The following CEP128 variants were observed in gnomAD, a reference collection of about 807,000 sequenced individuals.
CEP128 encodes centrosomal protein 128kDa.
In CEP128, 132 loss-of-function variants were observed where a neutral mutation model predicts 156.7. The observed-to-expected ratio is 0.84, with a 90% CI of 0.73 to 0.97. CEP128 has a LOEUF of 0.97. Ranked by LOEUF, CEP128 falls within the 50% of genes least tolerant of loss-of-function variation. The probability of loss-of-function intolerance (pLI) is 0.00; values close to 1 mark genes in which losing one functional copy is unlikely to be tolerated. For synonymous variants in CEP128, 469 were observed against 448.9 expected (o/e 1.04, Z -0.57); for missense variants, 1,252 against 1,281.9 (o/e 0.98, Z 0.36).
At chr14:80,766,145 G>A (rs1900228380) in intron 16 of CEP128, among the ~76,000 whole-genome samples, 1 of 152,170 alleles carries the variant, frequency 6.6e-6, no homozygotes, top group Non-Finnish European at 1.5e-5. Flanking sequence ...AGAAGTACCT[G>A]TGTACACATA....
intron 19 of CEP128, among the ~76,000 whole-genome samples, chr14:80,695,519 T>C (rs1048015463): frequency 6.6e-6 from 1 of 151,886 alleles, no homozygotes; most frequent in African/African-American, 2.4e-5. Context: ...AGTTTGACCC[T>C]AGCCTGGCCA....
intron 19 of CEP128, among the ~76,000 whole-genome samples, chr14:80,718,081 C>T (rs1395578766): frequency 6.6e-6 from 1 of 152,034 alleles, no homozygotes; most frequent in Non-Finnish European, 1.5e-5. Flanking sequence ...TTCCATGTTG[C>T]CAAGGCTGGT....
chr14:80,891,168 A>C (rs1471118993), intron 8 of CEP128, among the ~76,000 whole-genome samples: 3 of 152,176 alleles, frequency 2.0e-5, no homozygotes, highest in Non-Finnish European at 2.9e-5. Flanking sequence ...AACTAAAAAC[A>C]GAGCTACCAC....
intron 9 of CEP128, among the ~76,000 whole-genome samples, chr14:80,850,190 G>T (rs577513273): frequency 4.6e-5 from 7 of 152,218 alleles, no homozygotes; most frequent in African/African-American, 1.7e-4. Context: ...TACACAATGT[G>T]TCATACTTTT....
Position 80,647,037 on chromosome 14 carries a change from GTATATATATA to G in CEP128, c.2807-66624_2807-66615del, listed in dbSNP as rs60895994. On this transcript the variant is annotated intron_variant, in intron 19 of 24. Transcript: ENST00000555265. ...TGTGTGTGTATATATATGTGTGCAT[GTATATATATA>G]TATATATATATATATATATATATAT... 6.4e-3 allele frequency among the ~76,000 whole-genome samples: 445 copies of G among 69,560 alleles called. 4 individuals carry two copies. The highest frequency in any genetic ancestry group is 7.0e-3 in the South Asian group (12 of 1,720). 45.6% of individuals were successfully genotyped at this position (69,560 alleles called of 152,430 possible).
Position 80,895,800 on chromosome 14 carries a change from A to AAAAC in CEP128, c.573-11_573-10insGTTT. The AAAAC allele has an allele frequency of 7.5e-7, 1 of 1,340,906 alleles. No homozygotes were observed. Among genetic ancestry groups the AAAAC allele is most frequent in the Non-Finnish European group, 9.9e-7 (1 of 1,013,268 alleles). The allele number at this position is 1,340,906 out of a possible 1,614,324, so 83.1% of individuals were successfully genotyped here. On this transcript the variant is annotated splice_polypyrimidine_tract_variant and intron_variant, in intron 7 of 24. Coordinates refer to ENST00000555265, the MANE Select transcript of CEP128 (RefSeq NM_152446.5). ...TGTTTCGGCATCTGACCTAGGAAGA[A>AAAAC]AAAAAAAAAAAAGATTTAAATTTGG...
At chr14:80,749,572 T>C (rs1368988021) in intron 18 of CEP128, among the ~76,000 whole-genome samples, 1 of 152,006 alleles carries the variant, frequency 6.6e-6, no homozygotes, top group Non-Finnish European at 1.5e-5. Flanking sequence ...GAACTAAAGA[T>C]TAAAACAATT....
intron 21 of CEP128, among the ~76,000 whole-genome samples, chr14:80,539,109 A>G (rs1889621231): frequency 6.6e-6 from 1 of 152,236 alleles, no homozygotes; most frequent in South Asian, 2.1e-4. Context: ...TATTTACTGA[A>G]TGCCTCAGAC....
At chr14:80,622,434 C>T in intron 19 of CEP128, among the ~76,000 whole-genome samples, 1 of 149,218 alleles carries the variant, frequency 6.7e-6, no homozygotes. Flanking sequence ...AAAGCAATGG[C>T]AACAAAAGAC....
intron 19 of CEP128, among the ~76,000 whole-genome samples, chr14:80,590,201 C>T (rs1753908088): frequency 6.6e-6 from 1 of 152,214 alleles, no homozygotes; most frequent in South Asian, 2.1e-4. Context: ...CATGTGTTTA[C>T]ACACCTGAAA....
intron 20 of CEP128, among the ~76,000 whole-genome samples, chr14:80,573,202 G>A (rs2140420670): frequency 6.6e-6 from 1 of 152,102 alleles, no homozygotes; most frequent in African/African-American, 2.4e-5. Flanking sequence ...TGGGATAATA[G>A]GCATGAGCCA....
At chr14:80,639,780 G>C (rs965046250) in intron 19 of CEP128, among the ~76,000 whole-genome samples, 12 of 152,110 alleles carry the variant, frequency 7.9e-5, no homozygotes, top group African/African-American at 2.9e-4. Flanking sequence ...CCTTTGAGCA[G>C]AACTATAATC....
At chr14:80,526,141 G>C (rs1481133947) in intron 23 of CEP128, among the ~76,000 whole-genome samples, 2 of 152,120 alleles carry the variant, frequency 1.3e-5, no homozygotes, top group Non-Finnish European at 2.9e-5. Context: ...TGAGATGGGA[G>C]ATGTTACTGG....
intron 23 of CEP128, among the ~76,000 whole-genome samples, chr14:80,520,524 T>C (rs368518065): frequency 2.4e-4 from 36 of 152,312 alleles, no homozygotes; most frequent in African/African-American, 8.7e-4. Flanking sequence ...TTTGACTAGT[T>C]TTCATAATAG....
At chr14:80,819,948 T>C (rs1885076102) in intron 13 of CEP128, among the ~76,000 whole-genome samples, 1 of 152,142 alleles carries the variant, frequency 6.6e-6, no homozygotes, top group South Asian at 2.1e-4. Context: ...GAAACCAAAC[T>C]ACATATGAAA....
chr14:80,772,557 T>C (rs1169948527), intron 16 of CEP128, among the ~76,000 whole-genome samples: 2 of 152,134 alleles, frequency 1.3e-5, no homozygotes, highest in Non-Finnish European at 2.9e-5. Context: ...AAGAGAGCAC[T>C]GAGCTGTTTA....
intron 8 of CEP128, among the ~76,000 whole-genome samples, chr14:80,881,271 C>T (rs1464772310): frequency 6.6e-6 from 1 of 151,992 alleles, no homozygotes; most frequent in African/African-American, 2.4e-5. Flanking sequence ...TTCAAAGGAT[C>T]ATTAGTGGCT....
At position 80,810,522 on chromosome 14, in the gene CEP128, A is replaced by G. The variant is rs116515589; in HGVS notation, c.1210-17412T>C. ...TATGCTTCCTACAAGAAATGAATGG[A>G]TTTGATTTCCTTGTATTTTGTTGAG... On this transcript the variant is annotated intron_variant, in intron 13 of 24. Coordinates refer to ENST00000555265, the MANE Select transcript of CEP128 (RefSeq NM_152446.5). 5.4e-3 allele frequency among the ~76,000 whole-genome samples: 822 copies of G among 152,050 alleles called. 5 individuals are homozygous for G. Among genetic ancestry groups the G allele is most frequent in the African/African-American group, 0.019 (769 of 41,502 alleles).
In CEP128 at chr14:80,918,643, T is replaced by C. The variant is rs114998595; in HGVS notation, c.-15-2081A>G. Among the ~76,000 whole-genome samples, 983 of 152,294 alleles carry C rather than the reference T, an allele frequency of 6.5e-3. 9 individuals carry two copies. The highest frequency in any genetic ancestry group is 0.022 in the African/African-American group (924 of 41,550). ...CCCACTGTGTTCTGCTGTCCGATTA[T>C]CCTGAGAATTAACAATCTTAACAAT... On this transcript the variant is annotated intron_variant, in intron 2 of 24. Coordinates refer to ENST00000555265, the MANE Select transcript of CEP128 (RefSeq NM_152446.5).
Sources: gnomAD v4.1 joint callset for allele counts (sites outside exome capture counted in the v4.1 genomes callset) on GRCh38, gnomAD v4.1.1 for gene constraint, MANE v1.5 for transcripts, NCBI Gene and HGNC (gene_info 2026-07-23, HGNC 2026-07-21) for gene names.